ZNF83: variants seen among roughly 807,000 people sequenced by gnomAD.
The protein encoded by ZNF83 is zinc finger protein 816B.
For synonymous variants in ZNF83, 209 were observed against 213.0 expected, an observed-to-expected ratio of 0.98 and a Z score of 0.17; for missense variants, 552 against 629.9, an observed-to-expected ratio of 0.88 and a Z score of 1.32.
intron 2 of ZNF83, chr19:52,616,837 T>A (rs1397175873): frequency 6.6e-6 from 1 of 151,598 alleles, no homozygotes; most frequent in Non-Finnish European, 1.5e-5. Context: ...GAGCAAAAAC[T>A]CCATCTCGGA....
chr19:52,683,264 GTGTGTGTGTGTGTGTGTA>G (rs879523092), intron 1 of ZNF83, among the ~76,000 whole-genome samples: 1,742 of 89,340 alleles, frequency 0.019, 18 homozygotes, highest in Non-Finnish European at 0.027. Flanking sequence ...GTGTGTGTGT[GTGTGTGTGTGTGTGTGTA>G]TGCTCACGTG....
exon 3 of ZNF83, chr19:52,613,068 A>G (rs1373411972): frequency 6.2e-7 from 1 of 1,612,772 alleles, no homozygotes; most frequent in East Asian, 2.2e-5. Flanking sequence ...GACGTACAAG[A>G]TATGAATTGT....
chr19:52,645,071 C>T (rs992931142), intron 3 of ZNF83, among the ~76,000 whole-genome samples: 10 of 151,024 alleles, frequency 6.6e-5, no homozygotes, highest in Non-Finnish European at 1.5e-4. Flanking sequence ...CAATCCAACC[C>T]ATCTTTCAAC....
intron 1 of ZNF83, among the ~76,000 whole-genome samples, chr19:52,663,037 T>C (rs560083016): frequency 4.3e-4 from 65 of 151,980 alleles, no homozygotes; most frequent in African/African-American, 1.5e-3. Flanking sequence ...GTGATGTGCA[T>C]CTGTGGTCCC....
intron 1 of ZNF83, chr19:52,690,434 G>T: frequency 5.5e-6 from 1 of 181,326 alleles, no homozygotes; most frequent in Non-Finnish European, 1.2e-5. Flanking sequence ...ACAAAACAGC[G>T]AAACTCACCG....
intron 2 of ZNF83, among the ~76,000 whole-genome samples, chr19:52,619,352 G>A (rs867596834): frequency 6.6e-6 from 1 of 152,300 alleles, no homozygotes; most frequent in South Asian, 2.1e-4. Context: ...TTTTGGCCAG[G>A]TGCTGTGGCT....
chr19:52,619,277 G>C (rs1185058196), intron 2 of ZNF83, among the ~76,000 whole-genome samples: 2 of 152,148 alleles, frequency 1.3e-5, no homozygotes, highest in African/African-American at 4.8e-5. Context: ...TATTATGTTT[G>C]TGAAGAATAC....
chr19:52,622,755 A>G (rs1209651367), intron 2 of ZNF83, among the ~76,000 whole-genome samples: 3 of 151,940 alleles, frequency 2.0e-5, no homozygotes, highest in African/African-American at 7.3e-5. Flanking sequence ...TATGCATTTT[A>G]TCAACCAGTC....
In ZNF83 at chr19:52,653,193, C is replaced by T. The variant is rs569815033; in HGVS notation, c.-74+2368G>A. On this transcript the variant is annotated intron_variant, in intron 3 of 5. Coordinates refer to the ZNF83 transcript ENST00000594682. ...GTCTACGATGGCCCACAAGGGATGA[C>T]TTCTGACTGAAGGTCTTGCCACACT... 1.7e-4 allele frequency: 262 copies of T among 1,526,178 alleles called. 1 individual carries two copies. Among genetic ancestry groups the T allele is most frequent in the Middle Eastern group, 1.0e-3 (6 of 5,746 alleles). The allele number at this position is 1,526,178 out of a possible 1,614,324, so 94.5% of individuals were successfully genotyped here.
At chr19:52,612,461 GTAGT>G (rs1293818053) in exon 3 of ZNF83, 1 of 153,094 alleles carries the variant, frequency 6.5e-6, no homozygotes, top group Non-Finnish European at 1.5e-5. Flanking sequence ...TTATCTTTGT[GTAGT>G]TACTCTCCAG....
At chr19:52,633,010 CGTTTT>C (rs1243889304) in intron 2 of ZNF83, among the ~76,000 whole-genome samples, 1 of 152,126 alleles carries the variant, frequency 6.6e-6, no homozygotes, top group Non-Finnish European at 1.5e-5. Context: ...ACCACTATTT[CGTTTT>C]ATTTTTCTTA....
At chr19:52,680,128 G>T (rs1200539599) in intron 1 of ZNF83, among the ~76,000 whole-genome samples, 3 of 152,092 alleles carry the variant, frequency 2.0e-5, no homozygotes, top group East Asian at 3.9e-4. Flanking sequence ...GTGGTAAGAA[G>T]AGATCACACC....
intron 1 of ZNF83, among the ~76,000 whole-genome samples, chr19:52,688,260 T>C (rs935808392): frequency 1.3e-5 from 2 of 151,914 alleles, no homozygotes; most frequent in Non-Finnish European, 2.9e-5. Context: ...AGCCTGGACC[T>C]CCCGAGCTCA....
chr19:52,644,532 T>A (rs551741577), intron 3 of ZNF83, among the ~76,000 whole-genome samples: 1 of 152,338 alleles, frequency 6.6e-6, no homozygotes, highest in Non-Finnish European at 1.5e-5. Context: ...GTCTTCCACA[T>A]ACCTGGGCTA....
intron 2 of ZNF83, among the ~76,000 whole-genome samples, chr19:52,659,613 CAAA>C (rs67918270): frequency 1.8e-5 from 2 of 114,272 alleles, no homozygotes; most frequent in African/African-American, 3.2e-5. Flanking sequence ...GACTCCAACT[CAAA>C]AAAAAAAAAA....
intron 1 of ZNF83, among the ~76,000 whole-genome samples, chr19:52,679,035 C>A (rs1600269255): frequency 6.6e-6 from 1 of 152,088 alleles, no homozygotes; most frequent in East Asian, 1.9e-4. Context: ...CACAAGCTCC[C>A]TTAATAAGAT....
At chr19:52,642,261 C>CTTT (rs869173970), upstream of ZNF83, among the ~76,000 whole-genome samples, 3 of 47,832 alleles carry the variant, frequency 6.3e-5, no homozygotes, top group Non-Finnish European at 6.7e-5. Flanking sequence ...AGTATTGTAG[C>CTTT]TTTTTTTTTT....
rs2062097157 is a variant in ZNF83 at position 52,688,980 on chromosome 19, A to AGT, written c.-283+1462_-283+1463insAC. ...AAAAAAAAAAAAAAAAAAGAGAGAG[A>AGT]TTATTTTACTGTTACTCTTTTTCCA... On this transcript the variant is annotated intron_variant, in intron 1 of 5. Coordinates refer to the ZNF83 transcript ENST00000594682. Among the ~76,000 whole-genome samples the AGT allele has an allele frequency of 2.2e-4, 32 of 144,990 alleles. 1 individual carries two copies. Among genetic ancestry groups the AGT allele is most frequent in the Admixed American group, 2.2e-3 (32 of 14,538 alleles).
chr19:52,655,535 C>T, intron 3 of ZNF83: 2 of 1,463,904 alleles, frequency 1.4e-6, no homozygotes, highest in African/African-American at 2.8e-5. Context: ...GCAGATTCCT[C>T]ACATCAGGAG....
Sources: allele counts gnomAD v4.1 joint callset (sites outside exome capture counted in the v4.1 genomes callset), GRCh38; gene constraint gnomAD v4.1.1; transcripts MANE v1.5; gene names NCBI Gene and HGNC (gene_info 2026-07-23, HGNC 2026-07-21).